Variants in EXOC4 observed in about 807,000 individuals in gnomAD.
The protein encoded by EXOC4 is SEC8-like 1.
EXOC4 carries 71 observed loss-of-function variants against 107.2 expected under a neutral mutation model. The ratio of observed to expected loss-of-function variants is 0.66; its 90% CI spans 0.55 to 0.81. The LOEUF is 0.81. EXOC4 is among the 30% of genes least tolerant of loss of function. EXOC4 has a pLI of 0.00. For synonymous variants in EXOC4, 456 were observed against 441.2 expected (o/e 1.03, Z -0.42); for missense variants, 1,108 against 1,189.6 (o/e 0.93, Z 1.01).
At chr7:133,426,477 G>A (rs1438053818) in intron 7 of EXOC4, among the ~76,000 whole-genome samples, 3 of 152,158 alleles carry the variant, frequency 2.0e-5, no homozygotes, top group Non-Finnish European at 4.4e-5. Context: ...CATGAAGTGT[G>A]GGATAATAAT....
intron 17 of EXOC4, among the ~76,000 whole-genome samples, chr7:134,054,062 C>T (rs1185839876): frequency 6.6e-6 from 1 of 152,188 alleles, no homozygotes; most frequent in Non-Finnish European, 1.5e-5. Flanking sequence ...TCTCCTGCCT[C>T]TGCCTCCCAA....
intron 11 of EXOC4, among the ~76,000 whole-genome samples, chr7:133,845,080 C>G (rs1455077915): frequency 1.3e-5 from 2 of 151,950 alleles, no homozygotes; most frequent in Non-Finnish European, 2.9e-5. Context: ...GGTTGTATTG[C>G]TTATGTGTTT....
chr7:133,416,496 C>A (rs1797477564), intron 7 of EXOC4, among the ~76,000 whole-genome samples: 1 of 152,138 alleles, frequency 6.6e-6, no homozygotes, highest in African/African-American at 2.4e-5. Flanking sequence ...AATAGCACTG[C>A]CAACCACAGA....
chr7:133,269,073 T>A (rs1441271389), intron 1 of EXOC4, among the ~76,000 whole-genome samples: 1 of 152,176 alleles, frequency 6.6e-6, no homozygotes, highest in African/African-American at 2.4e-5. Flanking sequence ...CTTGAATACA[T>A]CTTGGGTTGG....
At chr7:133,744,181 G>T (rs1319231265) in intron 10 of EXOC4, among the ~76,000 whole-genome samples, 1 of 151,836 alleles carries the variant, frequency 6.6e-6, no homozygotes, top group Admixed American at 6.6e-5. Flanking sequence ...TAAATGTTCA[G>T]AGAAAATGTA....
chr7:133,597,022 G>T lies in EXOC4; in HGVS notation c.1418-33023G>T, dbSNP rs116643502. 3.3e-5 allele frequency among the ~76,000 whole-genome samples: 5 copies of T among 152,202 alleles called. No homozygotes were observed. In the South Asian group the frequency reaches 1.0e-3, roughly 32 times the overall value. The stretch of plus-strand genomic sequence containing the variant: ...TTGACAGCCAAATTTTTAGTTTGTC[G>T]TCTTCAGTATATGTGGAATATCCCC... On this transcript the variant is annotated intron_variant, in intron 9 of 17. Coordinates refer to ENST00000253861, the MANE Select transcript of EXOC4 (RefSeq NM_021807.4).
intron 7 of EXOC4, among the ~76,000 whole-genome samples, chr7:133,405,424 C>A (rs1490867425): frequency 1.3e-5 from 2 of 151,970 alleles, no homozygotes; most frequent in Non-Finnish European, 2.9e-5. Flanking sequence ...CTATTTAGAT[C>A]ATGGTAAATG....
chr7:133,787,948 CATATATTTATATATTTATAT>C (rs1337138895), intron 10 of EXOC4, among the ~76,000 whole-genome samples: 5 of 22,212 alleles, frequency 2.3e-4, no homozygotes, highest in South Asian at 2.9e-3. Flanking sequence ...CTTCCCTGTG[CATATATTTATATATTTATAT>C]ATATATATAT....
At chr7:133,310,926 A>G (rs1053704513) in intron 4 of EXOC4, among the ~76,000 whole-genome samples, 84 of 152,206 alleles carry the variant, frequency 5.5e-4, no homozygotes, top group African/African-American at 2.0e-3. Context: ...CAAACACCCA[A>G]CAAATTTCTA....
At chr7:133,928,331 G>A (rs1377583481) in intron 13 of EXOC4, among the ~76,000 whole-genome samples, 1 of 152,132 alleles carries the variant, frequency 6.6e-6, no homozygotes, top group Non-Finnish European at 1.5e-5. Context: ...CTGAGACAAG[G>A]GCAAGCGGTG....
the EXOC4 span, among the ~76,000 whole-genome samples, chr7:134,098,320 G>C: frequency 6.6e-6 from 1 of 152,162 alleles, no homozygotes; most frequent in East Asian, 1.9e-4. Flanking sequence ...CCAAGTGCAA[G>C]CTGCGTGATA....
intron 5 of EXOC4, among the ~76,000 whole-genome samples, chr7:133,319,559 G>A (rs1489685859): frequency 6.6e-6 from 1 of 151,838 alleles, no homozygotes; most frequent in African/African-American, 2.4e-5. Flanking sequence ...GTGCGATCTC[G>A]GCCCACTGCA....
chr7:134,045,668 T>C (rs1180324733), intron 17 of EXOC4, among the ~76,000 whole-genome samples: 1 of 152,196 alleles, frequency 6.6e-6, no homozygotes, highest in Non-Finnish European at 1.5e-5. Flanking sequence ...ATGCAATTCA[T>C]TGGTTCTTAG....
intron 11 of EXOC4, among the ~76,000 whole-genome samples, chr7:133,833,014 G>A (rs1346580041): frequency 1.3e-5 from 2 of 151,920 alleles, no homozygotes; most frequent in African/African-American, 4.8e-5. Flanking sequence ...ATAATATTTA[G>A]CAGTTCTTTC....
At position 133,280,214 on chromosome 7, in the gene EXOC4, T is replaced by C. The variant is rs73436968; in HGVS notation, c.276+5043T>C. ...ATGTACAATTGATCAGGTCAAGTAA[T>C]GTGGACAATAAGCAAAATAACTGGG... is the stretch of plus-strand genomic sequence containing the variant. On this transcript the variant is annotated intron_variant, in intron 2 of 17. Transcript: ENST00000253861. Among the ~76,000 whole-genome samples the C allele has an allele frequency of 7.9e-3, 1,207 of 152,320 alleles. 21 individuals are homozygous for C. Among genetic ancestry groups the C allele is most frequent in the African/African-American group, 0.028 (1,165 of 41,572 alleles).
At chr7:133,871,018 T>G (rs1798739496) in intron 11 of EXOC4, among the ~76,000 whole-genome samples, 1 of 152,348 alleles carries the variant, frequency 6.6e-6, no homozygotes, top group Non-Finnish European at 1.5e-5. Flanking sequence ...TTTCTGAAAT[T>G]TTGTGAGCTG....
At chr7:133,607,580 C>G (rs981870045) in intron 9 of EXOC4, among the ~76,000 whole-genome samples, 3 of 152,106 alleles carry the variant, frequency 2.0e-5, no homozygotes, top group Non-Finnish European at 4.4e-5. Context: ...TATAGGGCAA[C>G]AAAAAGAGCC....
chr7:134,018,053 T>C (rs1794950091), intron 17 of EXOC4, among the ~76,000 whole-genome samples: 1 of 152,196 alleles, frequency 6.6e-6, no homozygotes, highest in Non-Finnish European at 1.5e-5. Context: ...GAATCTGTCA[T>C]CGAATCCTGC....
intron 6 of EXOC4, among the ~76,000 whole-genome samples, chr7:133,371,706 GT>G (rs1182101555): frequency 2.6e-5 from 4 of 152,296 alleles, no homozygotes; most frequent in African/African-American, 9.6e-5. Context: ...TTGTGTACAA[GT>G]TTTTGTGTGC....
Sources: gnomAD v4.1 joint callset for allele counts (sites outside exome capture counted in the v4.1 genomes callset) on GRCh38, gnomAD v4.1.1 for gene constraint, MANE v1.5 for transcripts, NCBI Gene and HGNC (gene_info 2026-07-23, HGNC 2026-07-21) for gene names.